ZNF786: variants seen among roughly 807,000 people sequenced by gnomAD.
ZNF786 encodes zinc finger protein 786.
Under a neutral mutation model 63.1 loss-of-function variants are expected in ZNF786, and 56 were observed. That is an observed-to-expected ratio of 0.89 (90% CI 0.72 to 1.11). The LOEUF (loss-of-function observed/expected upper bound fraction) is 1.11. ZNF786 is among the 50% of genes least tolerant of loss of function. The probability of loss-of-function intolerance (pLI) is 0.00; values close to 1 mark genes in which losing one functional copy is unlikely to be tolerated. For synonymous variants in ZNF786, 485 were observed against 406.9 expected (o/e 1.19, Z -2.31); for missense variants, 1,213 against 1,041.8 (o/e 1.16, Z -2.26).
chr7:149,080,368 G>T (rs900613555), intron 2 of ZNF786, among the ~76,000 whole-genome samples: 1 of 151,964 alleles, frequency 6.6e-6, no homozygotes, highest in Admixed American at 6.6e-5. Context: ...TTAGTCACCC[G>T]GACCACCTTA....
chr7:149,076,200 C>T lies in ZNF786; in HGVS notation c.146-1662G>A, dbSNP rs189724874. 9.9e-3 allele frequency among the ~76,000 whole-genome samples: 1,508 copies of T among 151,926 alleles called. 18 individuals are homozygous for T. The highest frequency in any genetic ancestry group is 0.035 in the African/African-American group (1,447 of 41,504). ...CGCGATCTCAGCTCACCGCAGCCTC[C>T]GCCTCCCAGGTTTAAGCGATTCTCC... On this transcript the variant is annotated intron_variant, in intron 2 of 3. Transcript: ENST00000491431.
At position 149,071,035 on chromosome 7, in the gene ZNF786, C is replaced by T; in HGVS notation, c.1737G>A (p.Lys579=). 1.2e-6 allele frequency: 2 copies of T among 1,612,552 alleles called. No individual in the cohort carries two copies. Among genetic ancestry groups the T allele is most frequent in the Non-Finnish European group, 1.7e-6 (2 of 1,179,804 alleles). ...TGTGCACGCGCAAGTGCTCCGTGAG[C>T]TTGGATTGTCTGGTGAAGCCCTTGC... ...ECGKGFTRQS[K]LTEHLRVHSG... The change falls in exon 4 of 4, where the codon AAG becomes AAA. Residue 579 remains lysine, a synonymous_variant. Transcript: ENST00000491431.
At chr7:149,085,629 T>C (rs1208516001) in intron 1 of ZNF786, among the ~76,000 whole-genome samples, 1 of 152,174 alleles carries the variant, frequency 6.6e-6, no homozygotes, top group Non-Finnish European at 1.5e-5. Context: ...AGTTTTTTTC[T>C]AATTGTCATT....
rs377301286 is a variant in ZNF786 at position 149,070,674 on chromosome 7, C to A, written c.2098G>T (p.Gly700Trp). 1 of 1,613,834 alleles carries A rather than the reference C, an allele frequency of 6.2e-7. No homozygotes were observed. The highest frequency in any genetic ancestry group is 8.5e-7 in the Non-Finnish European group (1 of 1,179,912). Residue 700 changes from glycine to tryptophan, a missense_variant, in exon 4 of 4, where the codon GGG becomes TGG. Coordinates refer to ENST00000491431, the MANE Select transcript of ZNF786 (RefSeq NM_152411.4). ...QLLSHQGLHT[G>W]ERPFHCPECD... is the part of the protein sequence containing the mutation. ...TCAGGGCAGTGAAAAGGCCTCTCCCCTGTGTGCAGGCCCTGATGGCTGAGC... is the reference window on the plus strand; with the variant it reads ...TCAGGGCAGTGAAAAGGCCTCTCCCATGTGTGCAGGCCCTGATGGCTGAGC...
chr7:149,078,845 AT>A (rs373357625), intron 2 of ZNF786, among the ~76,000 whole-genome samples: 1,623 of 152,326 alleles, frequency 0.011, 24 homozygotes, highest in African/African-American at 0.037. Context: ...GATGAAAATG[AT>A]GGAATACAAT....
chr7:149,072,218 G>A lies in ZNF786; in HGVS notation c.554C>T (p.Thr185Ile), dbSNP rs762334025. The A allele has an allele frequency of 1.1e-5, 17 of 1,613,514 alleles. No individual in the cohort carries two copies. Among genetic ancestry groups the A allele is most frequent in the Non-Finnish European group, 1.1e-5 (13 of 1,179,822 alleles). ...CCCGCAGACAGGCCAAGGGTGCTGG[G>A]TGCTCTCCCAGGCGGGGACGTCCCA... ...GLWDVPAWES[T>I]QHPWPVCGES... Residue 185 changes from threonine to isoleucine, a missense_variant, in exon 4 of 4, where the codon ACC becomes ATC. Thr to Ile is a moderately conservative substitution (Grantham distance 89). Transcript: ENST00000491431.
In ZNF786 at chr7:149,070,924, C is replaced by G. The variant is rs572331975; in HGVS notation, c.1848G>C (p.Thr616=). 1 of 1,609,656 alleles carries G rather than the reference C, an allele frequency of 6.2e-7. No individual in the cohort carries two copies. The highest frequency in any genetic ancestry group is 8.5e-7 in the Non-Finnish European group (1 of 1,178,874). The change falls in exon 4 of 4, where the codon ACG becomes ACC. Residue 616 remains threonine (T), a synonymous_variant. Transcript: ENST00000491431. ...GQLLSHQRLH[T]GERPFQCPEC... ...CCGGACACTGGAAGGGCCTCTCTCC[C>G]GTGTGCAGGCGCTGATGGCTGAGCA...
At chr7:149,090,563 G>A in intron 1 of ZNF786, 60 bp downstream of exon 1, 2 of 1,488,838 alleles carry the variant, frequency 1.3e-6, no homozygotes, top group East Asian at 5.2e-5. Flanking sequence ...GGGCGAGCCC[G>A]GAACCCGAGG....
chr7:149,083,681 T>C (rs1825687685), intron 1 of ZNF786, among the ~76,000 whole-genome samples: 1 of 152,162 alleles, frequency 6.6e-6, no homozygotes, highest in South Asian at 2.1e-4. Flanking sequence ...TCAGTCCTCA[T>C]TCTCCTCCCA....
intron 1 of ZNF786, 130 bp from the exon 2 acceptor site, chr7:149,080,847 A>G: frequency 9.5e-7 from 1 of 1,049,468 alleles, no homozygotes; most frequent in Non-Finnish European, 1.4e-6. Flanking sequence ...TTCTTCCTGG[A>G]GAACTACTCC....
At chr7:149,078,304 G>C (rs1281841914) in intron 2 of ZNF786, among the ~76,000 whole-genome samples, 1 of 152,166 alleles carries the variant, frequency 6.6e-6, no homozygotes, top group Non-Finnish European at 1.5e-5. Flanking sequence ...TTCATTTACT[G>C]TAACTGATTC....
intron 1 of ZNF786, among the ~76,000 whole-genome samples, chr7:149,084,350 C>A (rs1825697189): frequency 1.6e-5 from 2 of 127,954 alleles, no homozygotes; most frequent in African/African-American, 3.6e-5. Context: ...AAACTGCATC[C>A]CAAAAAAAAA....
intron 2 of ZNF786, 99 bp downstream of exon 2, chr7:149,080,492 T>G: frequency 7.9e-6 from 10 of 1,270,236 alleles, no homozygotes; most frequent in Non-Finnish European, 1.0e-5. Flanking sequence ...AGTTAATTTC[T>G]GAGAAATCTT....
At chr7:149,086,779 A>G (rs1429179811) in intron 1 of ZNF786, among the ~76,000 whole-genome samples, 2 of 151,710 alleles carry the variant, frequency 1.3e-5, no homozygotes, top group Non-Finnish European at 2.9e-5. Context: ...CAAGACATTC[A>G]TGAGGGATCC....
Position 149,071,204 on chromosome 7 carries a change from T to C in ZNF786, c.1568A>G (p.Lys523Arg). 4 of 1,610,762 alleles carry C rather than the reference T, an allele frequency of 2.5e-6. No individual in the cohort carries two copies. Among genetic ancestry groups the C allele is most frequent in the Non-Finnish European group, 3.4e-6 (4 of 1,178,138 alleles). The change falls in exon 4 of 4, where the codon AAG becomes AGG. Residue 523 changes from lysine (K) to arginine (R), a missense_variant. Lys to Arg is a conservative substitution (Grantham distance 26). Transcript: ENST00000491431. ...ECGRGFTHQCKLREHLRVHSG... is the reference protein window; with the variant it reads ...ECGRGFTHQCRLREHLRVHSG... The stretch of plus-strand genomic sequence containing the variant: ...GTGCACTCTCAGGTGCTCACGGAGC[T>C]TGCACTGGTGGGTGAAGCCTCTGCC...
intron 1 of ZNF786, among the ~76,000 whole-genome samples, chr7:149,081,981 A>G (rs567963619): frequency 6.6e-6 from 1 of 152,352 alleles, no homozygotes; most frequent in Non-Finnish European, 1.5e-5. Flanking sequence ...TGAGAAATCA[A>G]GAACTCAGTA....
In ZNF786 at chr7:149,074,488, C is replaced by A. The variant is rs746567513; in HGVS notation, c.196G>T (p.Glu66Ter). The A allele has an allele frequency of 6.2e-7, 1 of 1,613,910 alleles. No individual in the cohort carries two copies. Among genetic ancestry groups the A allele is most frequent in the South Asian group, 1.1e-5 (1 of 91,072 alleles). ...GATTCTCTCCATTTCCTGAAGGGCT[C>A]TCCCCCGTGTTCAATCCAGGATATT... ...ELISWIEHGG[E>*]PFRKWRESQK... Residue 66 changes from glutamate to a stop codon, truncating the protein, a stop_gained, in exon 3 of 4, where the codon GAG (glutamate) becomes TAG (stop). Coordinates refer to ENST00000491431, the MANE Select transcript of ZNF786 (RefSeq NM_152411.4). LOFTEE classifies it high-confidence loss of function.
chr7:149,089,437 T>A (rs911763556), intron 1 of ZNF786, among the ~76,000 whole-genome samples: 2 of 152,024 alleles, frequency 1.3e-5, no homozygotes, highest in Admixed American at 6.6e-5. Flanking sequence ...TACCTCAGCC[T>A]CCCGAGGAGC....
At position 149,070,348 on chromosome 7, in the gene ZNF786, C is replaced by T. The variant is rs560914087; in HGVS notation, c.*75G>A. The T allele has an allele frequency of 3.2e-6, 5 of 1,547,218 alleles. No homozygotes were observed. Among genetic ancestry groups the T allele is most frequent in the Admixed American group, 1.9e-5 (1 of 53,064 alleles). On this transcript the variant is annotated 3_prime_UTR_variant, in exon 4 of 4. Coordinates refer to ENST00000491431, the MANE Select transcript of ZNF786 (RefSeq NM_152411.4). ...CCTGCTCCTAAAACCCGTCTACCAGCGGGTCTGGCTACTGTTGCTGTGGAT... is the reference window on the plus strand; with the variant it reads ...CCTGCTCCTAAAACCCGTCTACCAGTGGGTCTGGCTACTGTTGCTGTGGAT...
Sources: gnomAD v4.1 joint callset for allele counts (sites outside exome capture counted in the v4.1 genomes callset) on GRCh38, gnomAD v4.1.1 for gene constraint, MANE v1.5 for transcripts, NCBI Gene and HGNC (gene_info 2026-07-23, HGNC 2026-07-21) for gene names.